Variants in ADD3 observed in about 807,000 individuals in gnomAD.
The protein encoded by ADD3 is gamma-adducin.
ADD3 carries 25 observed loss-of-function variants against 80.2 expected under a neutral mutation model. The observed-to-expected ratio is 0.31, with a 90% confidence interval of 0.23 to 0.44. ADD3 has a LOEUF of 0.44. Among genes scored for constraint, ADD3 ranks in the 20% least tolerant of loss-of-function variants. ADD3 has a pLI of 1.00. For synonymous variants in ADD3, 284 were observed against 289.6 expected, an observed-to-expected ratio of 0.98 and a Z score of 0.20; for missense variants, 829 against 847.5, an observed-to-expected ratio of 0.98 and a Z score of 0.27.
chr10:110,042,990 C>T (rs1856543720), intron 1 of ADD3, among the ~76,000 whole-genome samples: 1 of 151,976 alleles, frequency 6.6e-6, no homozygotes, highest in Non-Finnish European at 1.5e-5. Flanking sequence ...ATAATGATCA[C>T]GTATTTCAGC....
At chr10:110,060,829 C>T (rs1168887073) in intron 1 of ADD3, among the ~76,000 whole-genome samples, 1 of 152,070 alleles carries the variant, frequency 6.6e-6, no homozygotes, top group Non-Finnish European at 1.5e-5. Flanking sequence ...TTACCGTGTT[C>T]TATAGGAGGT....
rs951880600 is a variant in ADD3 at position 110,072,775 on chromosome 10, G to A, written c.-29-27850G>A. On this transcript the variant is annotated intron_variant, in intron 1 of 14. Coordinates refer to ENST00000356080, the MANE Select transcript of ADD3 (RefSeq NM_016824.5). The stretch of plus-strand genomic sequence containing the variant: ...ATCACTTGTGAGAACAGTTAACTGG[G>A]AGAACAAAAGCTCTGAGAGAGTAAG... Among the ~76,000 whole-genome samples the A allele has an allele frequency of 3.9e-5, 6 of 152,190 alleles. No homozygotes were observed. The East Asian group carries it at 1.2e-3, about 29-fold the overall frequency.
At chr10:110,010,284 A>G (rs188979671) in intron 1 of ADD3, among the ~76,000 whole-genome samples, 43 of 152,308 alleles carry the variant, frequency 2.8e-4, no homozygotes, top group African/African-American at 8.2e-4. Context: ...ATGTAAGCCT[A>G]CAGGTGGTTA....
intron 1 of ADD3, among the ~76,000 whole-genome samples, chr10:110,044,750 C>T (rs1313099824): frequency 1.3e-5 from 2 of 152,054 alleles, no homozygotes; most frequent in Admixed American, 1.3e-4. Context: ...TTAATAAGAC[C>T]CTTTTAATTC....
chr10:110,091,004 G>A (rs907464346), intron 1 of ADD3, among the ~76,000 whole-genome samples: 1 of 152,106 alleles, frequency 6.6e-6, no homozygotes, highest in African/African-American at 2.4e-5. Flanking sequence ...ACAAAAACGG[G>A]GTTCAGGAAT....
At chr10:110,119,143 A>T in intron 6 of ADD3, 68 bp from the exon 7 acceptor site, 1 of 1,560,058 alleles carries the variant, frequency 6.4e-7, no homozygotes. Flanking sequence ...CTGACCAAAC[A>T]ATCAGGTTCC....
intron 1 of ADD3, among the ~76,000 whole-genome samples, chr10:110,024,286 T>G (rs1214318534): frequency 1.3e-5 from 2 of 152,244 alleles, no homozygotes; most frequent in African/African-American, 4.8e-5. Context: ...CCATCTTGGT[T>G]TCCCCTTAAT....
chr10:110,078,151 C>T lies in ADD3; in HGVS notation c.-29-22474C>T, dbSNP rs149019140. On this transcript the variant is annotated intron_variant, in intron 1 of 14. Transcript: ENST00000356080. ...GGTAGTAATTGGATTTAGCTGACTT[C>T]TAACTTCATAAGGATGTAAGAATAA... is the stretch of plus-strand genomic sequence containing the variant. Among the ~76,000 whole-genome samples the T allele has an allele frequency of 3.3e-5, 5 of 152,314 alleles. No individual in the cohort carries two copies. In the East Asian group the frequency reaches 7.7e-4, roughly 23 times the overall value.
At position 110,064,248 on chromosome 10, in the gene ADD3, G is replaced by A. The variant is rs116151350; in HGVS notation, c.-29-36377G>A. 4.5e-3 allele frequency among the ~76,000 whole-genome samples: 691 copies of A among 152,234 alleles called. 7 individuals are homozygous for A. The highest frequency in any genetic ancestry group is 0.015 in the African/African-American group (624 of 41,528). On this transcript the variant is annotated intron_variant, in intron 1 of 14. Coordinates refer to ENST00000356080, the MANE Select transcript of ADD3 (RefSeq NM_016824.5). Reference sequence around the variant, plus strand: ...TTGTTCATATCCATGCAGCTCTTTTGAGTGTATTTCTGGGAGAGGAGTGGC... The same window carrying A: ...TTGTTCATATCCATGCAGCTCTTTTAAGTGTATTTCTGGGAGAGGAGTGGC...
intron 8 of ADD3, 93 bp downstream of exon 8, chr10:110,119,657 G>C: frequency 2.8e-6 from 3 of 1,080,390 alleles, no homozygotes; most frequent in East Asian, 2.4e-5. Flanking sequence ...ATTAGTTAGT[G>C]GCTTTTTGTC....
chr10:110,029,887 A>T (rs929816493), intron 1 of ADD3, among the ~76,000 whole-genome samples: 1 of 152,192 alleles, frequency 6.6e-6, no homozygotes, highest in Non-Finnish European at 1.5e-5. Flanking sequence ...TAAAGTTATT[A>T]TTGGCCTTTA....
intron 2 of ADD3, 48 bp from the exon 3 acceptor site, chr10:110,112,729 T>C (rs761290745): frequency 1.3e-6 from 2 of 1,575,590 alleles, no homozygotes; most frequent in African/African-American, 2.7e-5. Context: ...AAGTTACTTT[T>C]GGGCCATTCA....
At chr10:110,053,164 A>C (rs904157208) in intron 1 of ADD3, among the ~76,000 whole-genome samples, 2 of 152,144 alleles carry the variant, frequency 1.3e-5, no homozygotes, top group South Asian at 2.1e-4. Context: ...GGAAAAATCA[A>C]CTGAACAATT....
chr10:110,092,498 C>G (rs1255836871), intron 1 of ADD3, among the ~76,000 whole-genome samples: 2 of 151,920 alleles, frequency 1.3e-5, no homozygotes, highest in Admixed American at 1.3e-4. Flanking sequence ...ATGTTCTCAC[C>G]TATAATGGTA....
At chr10:110,065,090 T>C (rs1843736651) in intron 1 of ADD3, among the ~76,000 whole-genome samples, 1 of 152,196 alleles carries the variant, frequency 6.6e-6, no homozygotes. Context: ...CTGTTGTTTC[T>C]TCCATCCCAG....
intron 1 of ADD3, among the ~76,000 whole-genome samples, chr10:110,100,198 A>G (rs1848647118): frequency 6.6e-6 from 1 of 152,094 alleles, no homozygotes; most frequent in South Asian, 2.1e-4. Flanking sequence ...AAAAATACAA[A>G]AATTAGCTGG....
chr10:110,063,579 C>T (rs1235935963), intron 1 of ADD3, among the ~76,000 whole-genome samples: 2 of 151,252 alleles, frequency 1.3e-5, no homozygotes, highest in East Asian at 3.9e-4. Context: ...AAAATGGCAT[C>T]AAGTTATAAA....
intron 1 of ADD3, among the ~76,000 whole-genome samples, chr10:110,083,515 C>CA (rs539312327): frequency 0.076 from 10,225 of 135,326 alleles, 565 homozygotes; most frequent in African/African-American, 0.16. Flanking sequence ...GACTCCGTCT[C>CA]AAAAAAAAAA....
chr10:110,120,963 C>G (rs1207849613), intron 8 of ADD3, among the ~76,000 whole-genome samples: 1 of 151,794 alleles, frequency 6.6e-6, no homozygotes, highest in Non-Finnish European at 1.5e-5. Flanking sequence ...AAAGCTGAAA[C>G]TGGATCCCTT....
Sources: allele counts gnomAD v4.1 joint callset (sites outside exome capture counted in the v4.1 genomes callset), GRCh38; gene constraint gnomAD v4.1.1; transcripts MANE v1.5; gene names NCBI Gene and HGNC (gene_info 2026-07-23, HGNC 2026-07-21).